STAB2: variants seen among roughly 807,000 people sequenced by gnomAD.
STAB2 encodes stabilin 2.
In STAB2, 288 loss-of-function variants were observed where a neutral mutation model predicts 338.1. The observed-to-expected ratio is 0.85, with a 90% confidence interval of 0.77 to 0.94. STAB2 has a LOEUF of 0.94. STAB2 is among the 40% of genes least tolerant of loss of function. STAB2 has a pLI of 0.00. For synonymous variants in STAB2, 1,202 were observed against 1,193.3 expected (o/e 1.01, Z -0.15); for missense variants, 3,141 against 3,210.1 (o/e 0.98, Z 0.52).
At position 103,712,452 on chromosome 12, in the gene STAB2, A is replaced by G. The variant is rs749952877; in HGVS notation, c.4411+9A>G. 6.2e-7 allele frequency: 1 copy of G among 1,611,368 alleles called. No homozygotes were observed. Among genetic ancestry groups the G allele is most frequent in the Admixed American group, 1.7e-5 (1 of 60,030 alleles). Reference sequence around the variant, plus strand: ...CGGGACCATCTGCACAGGCAAGCGAAGGAAGGAATTTGCTGGGGGGGCTGG... The same window carrying G: ...CGGGACCATCTGCACAGGCAAGCGAGGGAAGGAATTTGCTGGGGGGGCTGG... On this transcript the variant is annotated intron_variant, in intron 41 of 68. Coordinates refer to ENST00000388887, the MANE Select transcript of STAB2 (RefSeq NM_017564.10).
intron 61 of STAB2, 81 bp from the exon 62 acceptor site, chr12:103,755,221 T>C (rs898948484): frequency 1.4e-5 from 22 of 1,556,802 alleles, no homozygotes; most frequent in Admixed American, 1.2e-4. Context: ...TATGGCCTAA[T>C]AGGGGAATCA....
intron 58 of STAB2, 47 bp from the exon 59 acceptor site, chr12:103,748,916 T>C (rs1245817982): frequency 6.3e-7 from 1 of 1,577,926 alleles, no homozygotes. Context: ...GAAGCCCTAG[T>C]TCCACAGAAG....
intron 47 of STAB2, 35 bp downstream of exon 47, chr12:103,727,385 T>A: frequency 6.2e-7 from 1 of 1,609,472 alleles, no homozygotes; most frequent in Non-Finnish European, 8.5e-7. Context: ...GGGGGAGGTC[T>A]GCGGCTGGAA....
chr12:103,652,843 C>CTTATATAGGTGT, intron 12 of STAB2, 138 bp downstream of exon 12: 1 of 997,602 alleles, frequency 1.0e-6, no homozygotes, highest in South Asian at 2.5e-5. Context: ...TGTCAAACAC[C>CTTATATAGGTGT]TTATATAGGA....
chr12:103,716,695 CATG>C (rs1880345340), intron 43 of STAB2, among the ~76,000 whole-genome samples: 1 of 152,186 alleles, frequency 6.6e-6, no homozygotes. Context: ...CACATTTAGT[CATG>C]GGGGAATTCG....
chr12:103,728,246 G>A lies in STAB2; in HGVS notation c.4936-603G>A, dbSNP rs189503135. Among the ~76,000 whole-genome samples, 5 of 152,154 alleles carry A rather than the reference G, an allele frequency of 3.3e-5. No homozygotes were observed. In the East Asian group the frequency reaches 7.7e-4, roughly 24 times the overall value. ...GGCTCACTGCAGCCTCTACCTCCTG[G>A]GTTCAAGTGATTCTCATGCCTCAGC... On this transcript the variant is annotated intron_variant, in intron 47 of 68. Coordinates refer to ENST00000388887, the MANE Select transcript of STAB2 (RefSeq NM_017564.10).
intron 57 of STAB2, among the ~76,000 whole-genome samples, chr12:103,745,795 G>A (rs999123037): frequency 1.3e-5 from 2 of 152,198 alleles, no homozygotes; most frequent in Non-Finnish European, 2.9e-5. Context: ...AGCGAGCATG[G>A]TTTTGAAGTT....
Position 103,655,298 on chromosome 12 carries a change from T to G in STAB2, c.1599T>G (p.Ser533=). ...AACCAAGGTACAGCAAGTTCAGATC[T>G]TTGTTAGAGGTAAGCACTTTTCATA... ...MLQPRYSKFR[S]LLEETNLGHA... Residue 533 remains serine (S), a synonymous_variant, in exon 14 of 69, where the codon TCT becomes TCG. Coordinates refer to ENST00000388887, the MANE Select transcript of STAB2 (RefSeq NM_017564.10). 6.2e-7 allele frequency: 1 copy of G among 1,613,204 alleles called. No homozygotes were observed. Among genetic ancestry groups the G allele is most frequent in the South Asian group, 1.1e-5 (1 of 90,594 alleles).
chr12:103,643,884 CTCTGCCCGGCCGCCCCTACTGGGA>C (rs1873107731), intron 9 of STAB2, among the ~76,000 whole-genome samples: 1 of 140,690 alleles, frequency 7.1e-6, no homozygotes, highest in Non-Finnish European at 1.6e-5. Flanking sequence ...TGAGGGGCGC[CTCTGCCCGGCCGCCCCTACTGGGA>C]AGTGAGGAGC....
intron 22 of STAB2, among the ~76,000 whole-genome samples, chr12:103,673,224 G>T (rs1875985572): frequency 6.6e-6 from 1 of 152,106 alleles, no homozygotes; most frequent in African/African-American, 2.4e-5. Flanking sequence ...AAATTTCCAG[G>T]CTAAACTCTC....
At chr12:103,736,420 T>C (rs916720821) in intron 52 of STAB2, among the ~76,000 whole-genome samples, 1 of 152,214 alleles carries the variant, frequency 6.6e-6, no homozygotes, top group African/African-American at 2.4e-5. Flanking sequence ...ATCCCTTTGG[T>C]ATTTGAATTA....
intron 24 of STAB2, 37 bp downstream of exon 24, chr12:103,676,058 C>CT (rs35874368): frequency 0.12 from 79,638 of 660,122 alleles, 1,076 homozygotes; most frequent in African/African-American, 0.17. Flanking sequence ...TGCCTGGTTT[C>CT]TTTTTTTTTT....
chr12:103,603,281 A>G (rs899641618), intron 3 of STAB2, among the ~76,000 whole-genome samples: 1 of 152,178 alleles, frequency 6.6e-6, no homozygotes, highest in African/African-American at 2.4e-5. Flanking sequence ...CATGTTAGCC[A>G]GGATGGTCTC....
At chr12:103,746,332 T>C (rs1883029918) in intron 57 of STAB2, 1 of 305,840 alleles carries the variant, frequency 3.3e-6, no homozygotes, top group East Asian at 6.6e-5. Flanking sequence ...GTATAAAGTT[T>C]TAATTGATAG....
chr12:103,696,639 C>A (rs1566023400), intron 33 of STAB2, among the ~76,000 whole-genome samples: 1 of 152,130 alleles, frequency 6.6e-6, no homozygotes, highest in Non-Finnish European at 1.5e-5. Flanking sequence ...CTATTTACCC[C>A]TAGATGTTAG....
At chr12:103,608,967 C>T (rs1070075) in intron 3 of STAB2, among the ~76,000 whole-genome samples, 60,054 of 152,018 alleles carry the variant, frequency 0.4, 13,340 homozygotes, top group East Asian at 0.62. Context: ...TTCCTGCTTT[C>T]GTCAGATTTG....
chr12:103,766,476 G>T lies in STAB2; in HGVS notation c.*140G>T, dbSNP rs892327278. 1 of 1,002,952 alleles carries T rather than the reference G, an allele frequency of 1.0e-6. No homozygotes were observed. The highest frequency in any genetic ancestry group is 1.4e-6 in the Non-Finnish European group (1 of 694,318). The allele number at this position is 1,002,952 out of a possible 1,614,324, so 62.1% of individuals were successfully genotyped here. On this transcript the variant is annotated 3_prime_UTR_variant, in exon 69 of 69. Transcript: ENST00000388887. ...TACCTCATCTCTCTGGCTGATCTGG[G>T]GGTTGTTTCTGTGGGTGAGAGATGT...
At chr12:103,667,697 T>C (rs1447187278) in intron 19 of STAB2, among the ~76,000 whole-genome samples, 1 of 152,196 alleles carries the variant, frequency 6.6e-6, no homozygotes, top group East Asian at 1.9e-4. Context: ...TCAGAATTCC[T>C]TCATATAGCT....
Position 103,591,017 on chromosome 12 carries a change from G to T in STAB2, c.202G>T (p.Val68Phe). The T allele has an allele frequency of 6.2e-7, 1 of 1,613,864 alleles. No individual in the cohort carries two copies. The highest frequency in any genetic ancestry group is 8.5e-7 in the Non-Finnish European group (1 of 1,179,950). Residue 68 changes from valine (V) to phenylalanine (F), a missense_variant, in exon 2 of 69, where the codon GTT becomes TTT. Val to Phe is a conservative substitution (Grantham distance 50). Coordinates refer to ENST00000388887, the MANE Select transcript of STAB2 (RefSeq NM_017564.10). Reference sequence around the variant, plus strand: ...CATGATTACCAGTGGCTCTGTAGGGGTTCGAGATTGCAGGTACTCATGAGA... The same window carrying T: ...CATGATTACCAGTGGCTCTGTAGGGTTTCGAGATTGCAGGTACTCATGAGA... ...YTMITSGSVGVRDCRYTFEVR... is the reference protein window; with the variant it reads ...YTMITSGSVGFRDCRYTFEVR...
Sources: allele counts gnomAD v4.1 joint callset (sites outside exome capture counted in the v4.1 genomes callset), GRCh38; gene constraint gnomAD v4.1.1; transcripts MANE v1.5; gene names NCBI Gene and HGNC (gene_info 2026-07-23, HGNC 2026-07-21).